The following MB21D2 variants were observed in gnomAD, a reference collection of about 807,000 sequenced individuals.
MB21D2 encodes nucleotidyltransferase MB21D2.
A neutral mutation model predicts 33.3 loss-of-function variants in MB21D2; 9 were observed. The observed-to-expected ratio is 0.27, with a 90% CI of 0.16 to 0.47. The LOEUF is 0.47. Among genes scored for constraint, MB21D2 ranks in the 20% least tolerant of loss-of-function variants. The pLI is 0.99. For missense variants in MB21D2, 540 were observed against 624.6 expected, an observed-to-expected ratio of 0.86 and a Z score of 1.44; for synonymous variants, 241 against 236.3, an observed-to-expected ratio of 1.02 and a Z score of -0.18.
At chr3:192,845,003 C>T (rs1384433835) in intron 1 of MB21D2, among the ~76,000 whole-genome samples, 1 of 152,186 alleles carries the variant, frequency 6.6e-6, no homozygotes, top group South Asian at 2.1e-4. Context: ...ACTTTTACAA[C>T]TGGTGATTAA....
intron 1 of MB21D2, among the ~76,000 whole-genome samples, chr3:192,810,905 G>A (rs1045684257): frequency 3.3e-5 from 5 of 151,966 alleles, no homozygotes; most frequent in African/African-American, 9.7e-5. Flanking sequence ...GTGTGCGCAC[G>A]CACATGTGCG....
intron 1 of MB21D2, among the ~76,000 whole-genome samples, chr3:192,894,360 A>C (rs1713920415): frequency 6.6e-6 from 1 of 151,968 alleles, no homozygotes; most frequent in Non-Finnish European, 1.5e-5. Context: ...CAAACTCCTA[A>C]CCTCAAGTGA....
At chr3:192,828,591 CATATAT>C (rs58394740) in intron 1 of MB21D2, among the ~76,000 whole-genome samples, 3 of 54,140 alleles carry the variant, frequency 5.5e-5, no homozygotes, top group South Asian at 7.9e-4. Context: ...TCACCCCCCC[CATATAT>C]ATATATATAT....
At chr3:192,903,465 T>C (rs938049883) in intron 1 of MB21D2, among the ~76,000 whole-genome samples, 3 of 152,192 alleles carry the variant, frequency 2.0e-5, no homozygotes, top group African/African-American at 7.2e-5. Context: ...TTTGCTTTTT[T>C]AAATGAAGGC....
In MB21D2 at chr3:192,798,585, A is replaced by C. The variant is rs753478355; in HGVS notation, c.1277T>G (p.Leu426Arg). ...GGTGCTACCTCGCCTCTGGAGCTCC[A>C]GTGTCAGCCGGTTGGCTGCCTTGAC... The part of the protein sequence containing the change: ...EHVKAANRLT[L>R]ELQRRGSTTS... The change falls in exon 2 of 2, where the codon CTG becomes CGG. Residue 426 changes from leucine to arginine, a missense_variant. By Grantham distance (102) the Leu-to-Arg change is moderately radical (BLOSUM62 -2). Transcript: ENST00000392452. This position sits in a 1 kb window ranked among gnomAD's most constrained non-coding sequence, Gnocchi z 4.8. The C allele has an allele frequency of 1.2e-6, 2 of 1,614,144 alleles. No individual in the cohort carries two copies. The highest frequency in any genetic ancestry group is 2.2e-5 in the South Asian group (2 of 91,078).
chr3:192,810,923 T>C (rs750859113), intron 1 of MB21D2, among the ~76,000 whole-genome samples: 1 of 152,164 alleles, frequency 6.6e-6, no homozygotes, highest in Non-Finnish European at 1.5e-5. Flanking sequence ...GCGTATGACT[T>C]TGTTGATATC....
intron 1 of MB21D2, among the ~76,000 whole-genome samples, chr3:192,841,739 G>C (rs527926501): frequency 6.6e-6 from 1 of 152,368 alleles, no homozygotes; most frequent in African/African-American, 2.4e-5. Flanking sequence ...TTACAGTGTG[G>C]AGTAATCTGT....
At chr3:192,802,737 G>C (rs1711584724) in intron 1 of MB21D2, among the ~76,000 whole-genome samples, 1 of 152,132 alleles carries the variant, frequency 6.6e-6, no homozygotes, top group South Asian at 2.1e-4. Flanking sequence ...TCACATGTTG[G>C]AACAGTCAGT....
intron 1 of MB21D2, among the ~76,000 whole-genome samples, chr3:192,916,351 G>A (rs1395816826): frequency 2.0e-5 from 3 of 152,114 alleles, no homozygotes; most frequent in African/African-American, 7.2e-5. Context: ...AGAAAACCTA[G>A]AAGGAAGAAG....
intron 1 of MB21D2, among the ~76,000 whole-genome samples, chr3:192,826,168 T>C (rs1466057462): frequency 6.6e-6 from 1 of 152,210 alleles, no homozygotes; most frequent in Non-Finnish European, 1.5e-5. Flanking sequence ...TGTGCTTTTT[T>C]CTCCCCATAC....
intron 1 of MB21D2, among the ~76,000 whole-genome samples, chr3:192,828,635 TATATATATATATATATATATATATATA>T (rs1712241253): frequency 2.7e-5 from 1 of 36,546 alleles, no homozygotes; most frequent in Admixed American, 2.6e-4. Context: ...TATATATATA[TATATATATATATATATATATATATATA>T]TTTTGAGACG....
chr3:192,895,364 CTTCTG>C (rs1713943625), intron 1 of MB21D2, among the ~76,000 whole-genome samples: 1 of 152,210 alleles, frequency 6.6e-6, no homozygotes, highest in African/African-American at 2.4e-5. Context: ...AATTATATCT[CTTCTG>C]TTCTAAGTAA....
At chr3:192,842,159 C>A (rs551304399) in intron 1 of MB21D2, among the ~76,000 whole-genome samples, 5 of 152,192 alleles carry the variant, frequency 3.3e-5, no homozygotes, top group African/African-American at 1.2e-4. Context: ...CCTTCTGTAA[C>A]GACCCTGTGG....
At chr3:192,821,201 G>A (rs1289875703) in intron 1 of MB21D2, among the ~76,000 whole-genome samples, 9 of 152,152 alleles carry the variant, frequency 5.9e-5, no homozygotes, top group South Asian at 2.1e-4. Flanking sequence ...TGGGCCAAAA[G>A]GTTTCTTGTG....
intron 1 of MB21D2, among the ~76,000 whole-genome samples, chr3:192,856,608 C>T (rs113771873): frequency 1.3e-3 from 195 of 152,134 alleles, no homozygotes; most frequent in African/African-American, 4.3e-3. Flanking sequence ...GGCTGGAGTG[C>T]AGTGGTGCAA....
At chr3:192,876,596 G>A (rs1713432123) in intron 1 of MB21D2, among the ~76,000 whole-genome samples, 1 of 152,144 alleles carries the variant, frequency 6.6e-6, no homozygotes, top group Non-Finnish European at 1.5e-5. Flanking sequence ...AATAGATGTT[G>A]CCCTTAGGAT....
chr3:192,907,019 T>A (rs953863861), intron 1 of MB21D2, among the ~76,000 whole-genome samples: 10 of 152,236 alleles, frequency 6.6e-5, no homozygotes, highest in Admixed American at 2.0e-4. Context: ...CAGTTCCCCA[T>A]GTCAGCTTTA....
intron 1 of MB21D2, among the ~76,000 whole-genome samples, chr3:192,823,195 TAAAATC>T (rs1350580341): frequency 6.6e-6 from 1 of 152,204 alleles, no homozygotes; most frequent in Non-Finnish European, 1.5e-5. Context: ...ACATTTAAAA[TAAAATC>T]AAAATCACCT....
At chr3:192,835,234 C>T (rs1359359756) in intron 1 of MB21D2, among the ~76,000 whole-genome samples, 1 of 148,288 alleles carries the variant, frequency 6.7e-6, no homozygotes, top group African/African-American at 2.5e-5. Context: ...GCGGGCAGCT[C>T]ACGAGGTCAG....
Sources: allele counts gnomAD v4.1 joint callset (sites outside exome capture counted in the v4.1 genomes callset), GRCh38; gene constraint gnomAD v4.1.1; non-coding constraint Gnocchi (gnomAD v3.1); transcripts MANE v1.5; gene names NCBI Gene and HGNC (gene_info 2026-07-23, HGNC 2026-07-21).